The following CCDC178 variants were observed in gnomAD, a reference collection of about 807,000 sequenced individuals.
The protein encoded by CCDC178 is coiled-coil domain-containing protein 178.
Under a neutral mutation model 117.4 loss-of-function variants are expected in CCDC178, and 126 were observed. The observed-to-expected ratio is 1.07, with a 90% CI of 0.93 to 1.24. The LOEUF (loss-of-function observed/expected upper bound fraction) is 1.24. CCDC178 is among the 50% of genes most tolerant of loss of function. The pLI, the probability that CCDC178 is intolerant of heterozygous loss-of-function variation, is 0.00. For missense variants in CCDC178, 1,030 were observed against 986.9 expected, an observed-to-expected ratio of 1.04 and a Z score of -0.59; for synonymous variants, 283 against 313.4, an observed-to-expected ratio of 0.90 and a Z score of 1.02.
intron 20 of CCDC178, among the ~76,000 whole-genome samples, chr18:33,153,320 T>A (rs769774568): frequency 6.6e-6 from 1 of 151,764 alleles, no homozygotes; most frequent in South Asian, 2.1e-4. Context: ...GCTCCTGATC[T>A]TGGAGTAGAG....
chr18:32,995,487 C>G (rs1320649363), intron 21 of CCDC178, among the ~76,000 whole-genome samples: 1 of 151,826 alleles, frequency 6.6e-6, no homozygotes, highest in Non-Finnish European at 1.5e-5. Flanking sequence ...TTTATTAAAG[C>G]CAAGTATAAT....
intron 1 of CCDC178, 118 bp downstream of exon 1, chr18:33,440,535 A>C (rs2145003560): frequency 6.6e-6 from 1 of 151,554 alleles, no homozygotes; most frequent in African/African-American, 2.4e-5. Flanking sequence ...AGGGAATTGC[A>C]TTTGGTTCTC....
At chr18:33,252,684 C>T (rs2059630985) in intron 14 of CCDC178, among the ~76,000 whole-genome samples, 3 of 151,692 alleles carry the variant, frequency 2.0e-5, no homozygotes, top group Non-Finnish European at 4.4e-5. Context: ...ATTCGAATTG[C>T]TATCTCTACA....
intron 22 of CCDC178, among the ~76,000 whole-genome samples, chr18:32,958,977 C>T (rs1488920493): frequency 6.6e-6 from 1 of 152,144 alleles, no homozygotes; most frequent in Non-Finnish European, 1.5e-5. Context: ...TAACTCAGCT[C>T]TCTACAATTC....
At chr18:33,109,259 A>G (rs933355501) in intron 20 of CCDC178, among the ~76,000 whole-genome samples, 1 of 151,742 alleles carries the variant, frequency 6.6e-6, no homozygotes, top group African/African-American at 2.4e-5. Flanking sequence ...AGCTAATCAC[A>G]ACCTTATATA....
chr18:33,223,019 T>A, intron 18 of CCDC178, 87 bp downstream of exon 18: 1 of 953,984 alleles, frequency 1.0e-6, no homozygotes, highest in Non-Finnish European at 1.5e-6. Flanking sequence ...TGAGACACAT[T>A]CATTTAAAAT....
intron 21 of CCDC178, among the ~76,000 whole-genome samples, chr18:32,978,909 T>G (rs189852798): frequency 6.6e-6 from 1 of 151,910 alleles, no homozygotes; most frequent in Non-Finnish European, 1.5e-5. Context: ...CGGTGGCGGT[T>G]GCCTATAGGC....
chr18:33,170,710 A>C (rs1437742312), intron 20 of CCDC178, among the ~76,000 whole-genome samples: 1 of 152,178 alleles, frequency 6.6e-6, no homozygotes, highest in African/African-American at 2.4e-5. Flanking sequence ...TATTGTTACA[A>C]AATTAATATC....
At chr18:33,414,453 G>T (rs1276424105) in intron 2 of CCDC178, among the ~76,000 whole-genome samples, 4 of 152,096 alleles carry the variant, frequency 2.6e-5, no homozygotes, top group Non-Finnish European at 5.9e-5. Context: ...ATGAGGAAAG[G>T]ATTCCCTATT....
intron 21 of CCDC178, among the ~76,000 whole-genome samples, chr18:33,032,167 T>C (rs1418382587): frequency 1.3e-5 from 2 of 152,156 alleles, no homozygotes; most frequent in Non-Finnish European, 2.9e-5. Flanking sequence ...CAGTTTGTTT[T>C]TTCATGGTTG....
intron 21 of CCDC178, among the ~76,000 whole-genome samples, chr18:33,082,392 A>G (rs1225669391): frequency 1.3e-5 from 2 of 152,192 alleles, no homozygotes; most frequent in Non-Finnish European, 2.9e-5. Context: ...GGATCACCTG[A>G]GCCCAGGAGG....
intron 22 of CCDC178, among the ~76,000 whole-genome samples, chr18:32,962,310 G>C (rs1399155481): frequency 1.3e-5 from 2 of 151,932 alleles, no homozygotes; most frequent in South Asian, 2.1e-4. Context: ...AATAAAAAGA[G>C]AGTCTTTTAC....
intron 10 of CCDC178, among the ~76,000 whole-genome samples, chr18:33,331,026 CTTTTTTTTTTTTT>C (rs67153629): frequency 1.6e-4 from 7 of 45,054 alleles, no homozygotes; most frequent in East Asian, 1.4e-3. Context: ...ACAAACATTG[CTTTTTTTTTTTTT>C]TTTTTTTTTT....
At chr18:32,983,249 C>T (rs914384984) in intron 21 of CCDC178, 5 of 1,226,886 alleles carry the variant, frequency 4.1e-6, no homozygotes, top group Admixed American at 2.0e-5. Context: ...GAAAGATGCA[C>T]GTGTATGCAT....
chr18:33,347,854 T>C (rs776270184), intron 8 of CCDC178, among the ~76,000 whole-genome samples: 5 of 152,006 alleles, frequency 3.3e-5, no homozygotes, highest in Non-Finnish European at 7.4e-5. Context: ...GTATTTAACA[T>C]CTCATTTTTT....
intron 20 of CCDC178, among the ~76,000 whole-genome samples, chr18:33,109,712 T>C (rs1389794597): frequency 1.3e-5 from 2 of 151,166 alleles, no homozygotes; most frequent in East Asian, 1.9e-4. Context: ...AATTACAATA[T>C]AGTACCATAG....
At chr18:33,266,177 T>C (rs2059811540) in intron 14 of CCDC178, among the ~76,000 whole-genome samples, 1 of 151,976 alleles carries the variant, frequency 6.6e-6, no homozygotes, top group Non-Finnish European at 1.5e-5. Context: ...ATTCCAGATA[T>C]AGACAATTCA....
intron 21 of CCDC178, among the ~76,000 whole-genome samples, chr18:32,992,833 G>C (rs913613375): frequency 7.2e-5 from 11 of 152,060 alleles, no homozygotes; most frequent in Admixed American, 7.2e-4. Flanking sequence ...ACGTAAATTA[G>C]ATGGACCAAG....
chr18:32,973,550 A>G (rs1225623501), intron 22 of CCDC178, among the ~76,000 whole-genome samples: 2 of 152,086 alleles, frequency 1.3e-5, no homozygotes, highest in Non-Finnish European at 2.9e-5. Context: ...CCCACTGTCA[A>G]AACAACCCAT....
Sources: gnomAD v4.1 joint callset for allele counts (sites outside exome capture counted in the v4.1 genomes callset) on GRCh38, gnomAD v4.1.1 for gene constraint, MANE v1.5 for transcripts, NCBI Gene and HGNC (gene_info 2026-07-23, HGNC 2026-07-21) for gene names.